KIAA1958: variants seen among roughly 807,000 people sequenced by gnomAD.
The protein encoded by KIAA1958 is KIAA1958.
KIAA1958 carries 14 observed loss-of-function variants against 47.2 expected under a neutral mutation model. The ratio of observed to expected loss-of-function variants is 0.30; its 90% CI spans 0.20 to 0.46. The LOEUF (loss-of-function observed/expected upper bound fraction) is 0.46, where lower values mean the gene tolerates loss of function less well. KIAA1958 is among the 20% of genes least tolerant of loss of function. KIAA1958 has a pLI of 1.00. For missense variants in KIAA1958, 803 were observed against 909.2 expected (o/e 0.88, Z 1.50); for synonymous variants, 354 against 353.3 (o/e 1.00, Z -0.02).
intron 2 of KIAA1958, among the ~76,000 whole-genome samples, chr9:112,619,401 C>G (rs1331095357): frequency 6.6e-6 from 1 of 152,168 alleles, no homozygotes; most frequent in Non-Finnish European, 1.5e-5. Flanking sequence ...TGACGCAAAA[C>G]TGTATTCAGC....
At chr9:112,592,450 G>A (rs1445865837) in intron 2 of KIAA1958, among the ~76,000 whole-genome samples, 1 of 152,060 alleles carries the variant, frequency 6.6e-6, no homozygotes, top group Non-Finnish European at 1.5e-5. Flanking sequence ...TGTCACTTTG[G>A]GCAAATTACT....
At chr9:112,602,694 C>G (rs1182522047) in intron 2 of KIAA1958, among the ~76,000 whole-genome samples, 1 of 152,092 alleles carries the variant, frequency 6.6e-6, no homozygotes, top group African/African-American at 2.4e-5. Context: ...TCCTAAGGAA[C>G]TATCCCTGGG....
rs1835588657 is a variant in KIAA1958, at chr9:112,574,162, C to T, written c.82C>T (p.Leu28Phe). Residue 28 changes from leucine to phenylalanine, a missense_variant, in exon 2 of 4, where the codon CTC (leucine) becomes TTC (phenylalanine). Physicochemically the swap from Leu to Phe is conservative, Grantham distance 22 (BLOSUM62 0). This residue lies in a region of KIAA1958 where 42 missense variants were observed against 79.9 expected (regional missense o/e 0.53). Coordinates refer to ENST00000337530, the MANE Select transcript of KIAA1958 (RefSeq NM_133465.4). Reference sequence around the variant, plus strand: ...CCATAGCCATGGGACTATTTGCAGCCTCATTCCAAACCTGAAACACTTGCT... The same window carrying T: ...CCATAGCCATGGGACTATTTGCAGCTTCATTCCAAACCTGAAACACTTGCT... ...WAHSHGTICS[L>F]IPNLKHLLSE... The T allele has an allele frequency of 6.2e-7, 1 of 1,614,098 alleles. No homozygotes were observed. The highest frequency in any genetic ancestry group is 8.5e-7 in the Non-Finnish European group (1 of 1,179,986).
intron 1 of KIAA1958, among the ~76,000 whole-genome samples, chr9:112,495,008 T>G (rs1758210306): frequency 6.6e-6 from 1 of 152,094 alleles, no homozygotes; most frequent in African/African-American, 2.4e-5. Flanking sequence ...TTCTCTGTCA[T>G]TCAAGGCTCA....
intron 2 of KIAA1958, among the ~76,000 whole-genome samples, chr9:112,590,182 A>T (rs986835108): frequency 1.3e-5 from 2 of 152,176 alleles, no homozygotes; most frequent in Non-Finnish European, 2.9e-5. Context: ...CTGCATTTTA[A>T]TGAGGTCCCT....
In KIAA1958 at chr9:112,659,401, G is replaced by A. The variant is rs371538087; in HGVS notation, c.1483G>A (p.Gly495Ser). 80 of 1,614,030 alleles carry A rather than the reference G, an allele frequency of 5.0e-5. No individual in the cohort carries two copies. Among genetic ancestry groups the A allele is most frequent in the Non-Finnish European group, 6.4e-5 (75 of 1,180,026 alleles). Residue 495 changes from glycine (G) to serine (S), a missense_variant, in exon 4 of 4, where the codon GGC (glycine) becomes AGC (serine). By Grantham distance (56) the Gly-to-Ser change is moderately conservative. This residue lies in a region of KIAA1958 where 761 missense variants were observed against 829.3 expected (regional missense o/e 0.92). Transcript: ENST00000337530. Reference sequence around the variant, plus strand: ...CCGCATCCTGAAGAATGCAGGTGTCGGCTTTTCCATCACCAGCAGCACCTT... The same window carrying A: ...CCGCATCCTGAAGAATGCAGGTGTCAGCTTTTCCATCACCAGCAGCACCTT... The part of the protein sequence containing the change: ...LDRILKNAGV[G>S]FSITSSTFSS...
intron 1 of KIAA1958, among the ~76,000 whole-genome samples, chr9:112,509,031 C>T (rs1381895805): frequency 6.6e-6 from 1 of 150,440 alleles, no homozygotes; most frequent in African/African-American, 2.4e-5. Context: ...TAAAATGCCT[C>T]GAAAGATAAC....
At chr9:112,507,676 AT>A (rs1242059729) in intron 1 of KIAA1958, among the ~76,000 whole-genome samples, 1 of 152,102 alleles carries the variant, frequency 6.6e-6, no homozygotes, top group African/African-American at 2.4e-5. Flanking sequence ...TCGAATGGGA[AT>A]TTTTGTTTTG....
chr9:112,497,579 A>G (rs1199800919), intron 1 of KIAA1958, among the ~76,000 whole-genome samples: 1 of 152,220 alleles, frequency 6.6e-6, no homozygotes, highest in Non-Finnish European at 1.5e-5. Context: ...CAGCCCTAGC[A>G]AATGAATCCA....
chr9:112,497,903 T>G (rs1035735325), intron 1 of KIAA1958, among the ~76,000 whole-genome samples: 38 of 152,292 alleles, frequency 2.5e-4, no homozygotes, highest in African/African-American at 7.5e-4. Flanking sequence ...TTATTTATTT[T>G]TAAGTAGTTT....
intron 1 of KIAA1958, among the ~76,000 whole-genome samples, chr9:112,565,293 G>A (rs774360080): frequency 2.6e-5 from 4 of 152,142 alleles, no homozygotes; most frequent in African/African-American, 9.7e-5. Flanking sequence ...TTGTAGAAAC[G>A]GGGTGTTACC....
Position 112,528,017 on chromosome 9 carries a change from T to C in KIAA1958, c.-25+40899T>C, listed in dbSNP as rs115607838. Reference sequence around the variant, plus strand: ...TCAGTAGTTGCCAAATCTGCCGATATTATCTTCTAAACAGTTGTCAGCTCT... The same window carrying C: ...TCAGTAGTTGCCAAATCTGCCGATACTATCTTCTAAACAGTTGTCAGCTCT... On this transcript the variant is annotated intron_variant, in intron 1 of 3. Coordinates refer to ENST00000337530, the MANE Select transcript of KIAA1958 (RefSeq NM_133465.4). Among the ~76,000 whole-genome samples the C allele has an allele frequency of 2.9e-3, 448 of 152,216 alleles. 3 individuals carry two copies. The highest frequency in any genetic ancestry group is 0.01 in the African/African-American group (424 of 41,528).
At chr9:112,553,419 T>C (rs1364040646) in intron 1 of KIAA1958, among the ~76,000 whole-genome samples, 1 of 152,040 alleles carries the variant, frequency 6.6e-6, no homozygotes, top group African/African-American at 2.4e-5. Flanking sequence ...GCTCAAGCCA[T>C]CCTCCTGCTT....
chr9:112,536,776 G>C (rs1445713015), intron 1 of KIAA1958, among the ~76,000 whole-genome samples: 1 of 151,982 alleles, frequency 6.6e-6, no homozygotes, highest in African/African-American at 2.4e-5. Context: ...GCAAGACCCT[G>C]TCTCCTGAAA....
At position 112,667,946 on chromosome 9, in the gene KIAA1958, T is replaced by C. The variant is rs1837372808; in HGVS notation, c.*7877T>C. The C allele has an allele frequency of 1.3e-5, 2 of 152,334 alleles. No individual in the cohort carries two copies. Among genetic ancestry groups the C allele is most frequent in the South Asian group, 4.1e-4 (2 of 4,824 alleles). The allele number at this position is 152,334 out of a possible 1,614,324, so 9.4% of individuals were successfully genotyped here. ...TATGTATGCTTTTAAATAGATAATATGGCTAGAAGCTACATATCTAAAAGC... is the reference window on the plus strand; with the variant it reads ...TATGTATGCTTTTAAATAGATAATACGGCTAGAAGCTACATATCTAAAAGC... On this transcript the variant is annotated 3_prime_UTR_variant, in exon 4 of 4. Transcript: ENST00000337530.
At chr9:112,517,685 A>G (rs1834461249) in intron 1 of KIAA1958, among the ~76,000 whole-genome samples, 1 of 152,242 alleles carries the variant, frequency 6.6e-6, no homozygotes, top group Admixed American at 6.5e-5. Flanking sequence ...TTTGCAAATT[A>G]TACAACAAAA....
At chr9:112,563,071 C>CTG (rs1835363847) in intron 1 of KIAA1958, among the ~76,000 whole-genome samples, 2 of 58,294 alleles carry the variant, frequency 3.4e-5, no homozygotes, top group Admixed American at 2.0e-4. Context: ...CTCTGTCTCT[C>CTG]TCTCTCTCTC....
intron 2 of KIAA1958, among the ~76,000 whole-genome samples, chr9:112,644,132 T>G (rs1836938480): frequency 5.3e-5 from 8 of 151,806 alleles, no homozygotes; most frequent in Admixed American, 5.2e-4. Context: ...GAGCCAAGAT[T>G]GCACCACTGC....
chr9:112,564,200 A>G (rs533602803), intron 1 of KIAA1958, among the ~76,000 whole-genome samples: 27 of 152,198 alleles, frequency 1.8e-4, no homozygotes, highest in Non-Finnish European at 3.7e-4. Context: ...AAATATTTGC[A>G]TAATTTTTGT....
Sources: gnomAD v4.1 joint callset for allele counts (sites outside exome capture counted in the v4.1 genomes callset) on GRCh38, gnomAD v4.1.1 for gene constraint, gnomAD v4.1.1 regional missense constraint, MANE v1.5 for transcripts, NCBI Gene and HGNC (gene_info 2026-07-23, HGNC 2026-07-21) for gene names.